Variants in CACNA1C observed in about 807,000 individuals in gnomAD.
The protein encoded by CACNA1C is calcium voltage-gated channel subunit alpha1 C, also known as voltage-dependent L-type calcium channel subunit alpha-1C.
CACNA1C carries 30 observed loss-of-function variants against 229.0 expected under a neutral mutation model. That is an observed-to-expected ratio of 0.13 (90% CI 0.10 to 0.18). CACNA1C has a LOEUF of 0.18. Ranked by LOEUF, CACNA1C falls within the 10% of genes least tolerant of loss-of-function variation. CACNA1C has a pLI of 1.00. For missense variants in CACNA1C, 1,658 were observed against 2,845.0 expected, an observed-to-expected ratio of 0.58 and a Z score of 9.49; for synonymous variants, 1,114 against 1,132.5, an observed-to-expected ratio of 0.98 and a Z score of 0.33.
At chr12:2,473,557 C>G (rs569227817) in intron 5 of CACNA1C, among the ~76,000 whole-genome samples, 1 of 152,156 alleles carries the variant, frequency 6.6e-6, no homozygotes, top group African/African-American at 2.4e-5. Flanking sequence ...AGGAAAGGTA[C>G]TAGAATCTTG....
chr12:2,125,517 C>T (rs1011755993), intron 3 of CACNA1C, among the ~76,000 whole-genome samples: 5 of 152,010 alleles, frequency 3.3e-5, no homozygotes, highest in East Asian at 3.9e-4. Context: ...TAAAGAATTG[C>T]GATTTCAGAG....
intron 29 of CACNA1C, among the ~76,000 whole-genome samples, chr12:2,619,889 G>A (rs947695864): frequency 6.6e-6 from 1 of 152,020 alleles, no homozygotes; most frequent in African/African-American, 2.4e-5. Context: ...TGCCTGGGGC[G>A]ACTTTGGCCC....
At chr12:2,326,779 G>A (rs932451088) in intron 3 of CACNA1C, among the ~76,000 whole-genome samples, 7 of 152,204 alleles carry the variant, frequency 4.6e-5, no homozygotes, top group African/African-American at 1.2e-4. Context: ...ATACTTGATC[G>A]ATCTCTCCTC....
chr12:2,620,356 C>T (rs1309124646), intron 29 of CACNA1C, among the ~76,000 whole-genome samples: 1 of 152,192 alleles, frequency 6.6e-6, no homozygotes, highest in African/African-American at 2.4e-5. Context: ...ACTCTTTCCA[C>T]GACAACCCTA....
At position 2,686,280 on chromosome 12, in the gene CACNA1C, C is replaced by A. The variant is rs2097479343; in HGVS notation, c.5784+11C>A. 1 of 1,587,942 alleles carries A rather than the reference C, an allele frequency of 6.3e-7. No individual in the cohort carries two copies. Among genetic ancestry groups the A allele is most frequent in the Non-Finnish European group, 8.6e-7 (1 of 1,157,686 alleles). On this transcript the variant is annotated intron_variant, in intron 45 of 46. Transcript: ENST00000399655. ...CTGGTTCATCATCAGGTAGCTCACA[C>A]TTTTGGACAGGCCACTGTCACCTGC...
intron 26 of CACNA1C, chr12:2,607,409 C>T: frequency 2.6e-6 from 1 of 382,724 alleles, no homozygotes; most frequent in Non-Finnish European, 4.7e-6. Context: ...TGTCAGAGAT[C>T]TCTGTCATTA....
At chr12:2,501,209 C>CA (rs59324696) in intron 7 of CACNA1C, among the ~76,000 whole-genome samples, 516 of 31,006 alleles carry the variant, frequency 0.017, 12 homozygotes, top group Non-Finnish European at 0.02. Context: ...GACTCCACCT[C>CA]AAAAAAAAAA....
intron 3 of CACNA1C, among the ~76,000 whole-genome samples, chr12:2,416,440 T>G (rs1204731254): frequency 8.0e-5 from 12 of 150,854 alleles, no homozygotes; most frequent in Admixed American, 7.9e-4. Flanking sequence ...AAGGAAGGAG[T>G]GGGGGACGAT....
chr12:2,090,929 T>C (rs1055994709), intron 1 of CACNA1C, among the ~76,000 whole-genome samples: 3 of 152,354 alleles, frequency 2.0e-5, no homozygotes, highest in South Asian at 2.1e-4. Context: ...ATAGCAGCCA[T>C]CCTAATGGGT....
intron 1 of CACNA1C, among the ~76,000 whole-genome samples, chr12:2,101,391 G>A (rs2076352787): frequency 2.0e-5 from 3 of 152,188 alleles, no homozygotes; most frequent in Admixed American, 1.3e-4. Context: ...AGCAGACCAC[G>A]CTTCCCCCGG....
chr12:2,644,496 C>T (rs964968373), intron 30 of CACNA1C, among the ~76,000 whole-genome samples: 1 of 152,058 alleles, frequency 6.6e-6, no homozygotes, highest in African/African-American at 2.4e-5. Flanking sequence ...AACTTTTTTT[C>T]GTATGGTGAA....
At chr12:2,311,462 T>C (rs1053744235) in intron 3 of CACNA1C, among the ~76,000 whole-genome samples, 4 of 152,140 alleles carry the variant, frequency 2.6e-5, no homozygotes, top group African/African-American at 9.7e-5. Flanking sequence ...ATTTTCACTT[T>C]CTCCCTTTAC....
At chr12:2,013,958 T>C (rs938681241) in intron 1 of CACNA1C, among the ~76,000 whole-genome samples, 38 of 152,232 alleles carry the variant, frequency 2.5e-4, no homozygotes, top group African/African-American at 8.9e-4. Flanking sequence ...TGTCTGATGA[T>C]AACATTGTTT....
In CACNA1C at chr12:2,034,338, C is replaced by T. The variant is rs2048731410; in HGVS notation, c.139+63137C>T. ...GGGAGTACACTTTCTCCGTGAGATG[C>T]CAGATAACTGAAAGAGAACTACAGG... On this transcript the variant is annotated intron_variant, in intron 1 of 46. Transcript: ENST00000682462. This position sits in a 1 kb window ranked among gnomAD's most constrained non-coding sequence, Gnocchi z 4.1. Among the ~76,000 whole-genome samples, 1 of 152,140 alleles carries T rather than the reference C, an allele frequency of 6.6e-6. No individual in the cohort carries two copies. The highest frequency in any genetic ancestry group is 2.4e-5 in the African/African-American group (1 of 41,420).
chr12:2,454,787 C>T (rs1485149990), intron 4 of CACNA1C, among the ~76,000 whole-genome samples: 1 of 152,198 alleles, frequency 6.6e-6, no homozygotes, highest in Non-Finnish European at 1.5e-5. Context: ...GTGCCTCTCT[C>T]GTCACACTTC....
rs1341823019 is a variant in CACNA1C at position 2,677,324 on chromosome 12, C to T, written c.4956+103C>T. 2 of 1,321,054 alleles carry T rather than the reference C, an allele frequency of 1.5e-6. No individual in the cohort carries two copies. The highest frequency in any genetic ancestry group is 1.4e-5 in the South Asian group (1 of 68,966). 81.8% of individuals were successfully genotyped at this position (1,321,054 alleles called of 1,614,324 possible). A position where few individuals can be genotyped will look rare whatever the true frequency, so the allele number is the denominator to read the frequency against. On this transcript the variant is annotated intron_variant, in intron 40 of 46. Transcript: ENST00000399655. This position sits in a 1 kb window ranked among gnomAD's most constrained non-coding sequence, Gnocchi z 7.4. ...CTCCCCAGCAGGCTGGAGGCCAGGT[C>T]CCTGCAGAGGGAACCTTTCAGAGAG...
intron 3 of CACNA1C, among the ~76,000 whole-genome samples, chr12:2,445,563 G>A (rs1034622761): frequency 6.6e-6 from 1 of 152,090 alleles, no homozygotes; most frequent in Non-Finnish European, 1.5e-5. Flanking sequence ...CAAGGCCAAA[G>A]GTCAACAAGA....
intron 5 of CACNA1C, among the ~76,000 whole-genome samples, chr12:2,461,780 A>G (rs925897840): frequency 2.6e-5 from 4 of 152,094 alleles, no homozygotes; most frequent in Admixed American, 1.3e-4. Context: ...TATGAGCTTT[A>G]CCTTCCAAAC....
chr12:2,419,285 C>G (rs1285389908), intron 3 of CACNA1C, among the ~76,000 whole-genome samples: 1 of 152,060 alleles, frequency 6.6e-6, no homozygotes, highest in Non-Finnish European at 1.5e-5. Flanking sequence ...GAAGGGGGAG[C>G]AGGAAATGTC....
Sources: allele counts gnomAD v4.1 joint callset (sites outside exome capture counted in the v4.1 genomes callset), GRCh38; gene constraint gnomAD v4.1.1; non-coding constraint Gnocchi (gnomAD v3.1); transcripts MANE v1.5; gene names NCBI Gene and HGNC (gene_info 2026-07-23, HGNC 2026-07-21).